The following PTGIS variants were observed in gnomAD, a reference collection of about 807,000 sequenced individuals.
PTGIS encodes prostaglandin I2 synthase.
Under a neutral mutation model 50.3 loss-of-function variants are expected in PTGIS, and 45 were observed. The observed-to-expected ratio is 0.90, with a 90% CI of 0.70 to 1.15. PTGIS has a LOEUF of 1.15. PTGIS is among the 50% of genes most tolerant of loss of function. PTGIS has a pLI of 0.00. For synonymous variants in PTGIS, 260 were observed against 267.7 expected, an observed-to-expected ratio of 0.97 and a Z score of 0.28; for missense variants, 668 against 661.3, an observed-to-expected ratio of 1.01 and a Z score of -0.11.
intron 1 of PTGIS, among the ~76,000 whole-genome samples, chr20:49,560,903 G>A (rs1354273579): frequency 6.6e-6 from 1 of 152,160 alleles, no homozygotes; most frequent in Admixed American, 6.5e-5. Flanking sequence ...CCACTGGAGG[G>A]TTTGCAGCAG....
At chr20:49,518,996 G>A (rs1981572010) in intron 6 of PTGIS, among the ~76,000 whole-genome samples, 1 of 152,210 alleles carries the variant, frequency 6.6e-6, no homozygotes, top group African/African-American at 2.4e-5. Flanking sequence ...ATATCGGGAA[G>A]GAAGAGAAGG....
At chr20:49,557,468 T>G (rs1243575159) in intron 1 of PTGIS, among the ~76,000 whole-genome samples, 1 of 151,726 alleles carries the variant, frequency 6.6e-6, no homozygotes, top group Admixed American at 6.6e-5. Flanking sequence ...AGCACATGTC[T>G]GTAGTCCCAG....
chr20:49,559,471 C>T (rs1181819228), intron 1 of PTGIS, among the ~76,000 whole-genome samples: 1 of 152,194 alleles, frequency 6.6e-6, no homozygotes, highest in African/African-American at 2.4e-5. Context: ...CAAGAACCCT[C>T]TCTTGGGGTC....
At chr20:49,545,342 T>C (rs921720816) in intron 3 of PTGIS, among the ~76,000 whole-genome samples, 3 of 151,354 alleles carry the variant, frequency 2.0e-5, no homozygotes, top group Non-Finnish European at 4.4e-5. Flanking sequence ...ATTGCTTGAG[T>C]CCAGGAGTTT....
At position 49,504,376 on chromosome 20, in the gene PTGIS, T is replaced by C. The variant is rs1056273597; in HGVS notation, c.*3544A>G. 4 of 152,042 alleles carry C rather than the reference T, an allele frequency of 2.6e-5. No individual in the cohort carries two copies. Among genetic ancestry groups the C allele is most frequent in the Admixed American group, 1.3e-4 (2 of 15,262 alleles). 9.4% of individuals were successfully genotyped at this position (152,042 alleles called of 1,614,324 possible). A position where few individuals can be genotyped will look rare whatever the true frequency, so the allele number is the denominator to read the frequency against. Reference sequence around the variant, plus strand: ...ACATGTTATCCACTATTGGCAGCAATTGGGGGGAAAAAAAGTTCATTTTAA... The same window carrying C: ...ACATGTTATCCACTATTGGCAGCAACTGGGGGGAAAAAAAGTTCATTTTAA... On this transcript the variant is annotated 3_prime_UTR_variant, in exon 10 of 10. Transcript: ENST00000244043.
intron 5 of PTGIS, among the ~76,000 whole-genome samples, chr20:49,537,315 T>G (rs1449377063): frequency 6.6e-6 from 1 of 152,174 alleles, no homozygotes; most frequent in Non-Finnish European, 1.5e-5. Context: ...GCCAGGACAC[T>G]CTACCAACAC....
chr20:49,565,702 T>G (rs944743376), intron 1 of PTGIS, among the ~76,000 whole-genome samples: 5 of 152,194 alleles, frequency 3.3e-5, no homozygotes, highest in Admixed American at 3.3e-4. Context: ...CCCAGAGTTT[T>G]AATCCAGACA....
At position 49,540,021 on chromosome 20, in the gene PTGIS, G is replaced by A. The variant is rs969339371; in HGVS notation, c.522-300C>T. Among the ~76,000 whole-genome samples the A allele has an allele frequency of 1.3e-5, 2 of 151,870 alleles. No individual in the cohort carries two copies. Among genetic ancestry groups the A allele is most frequent in the African/African-American group, 4.8e-5 (2 of 41,358 alleles). On this transcript the variant is annotated intron_variant, in intron 4 of 9. Transcript: ENST00000244043. This position sits in a 1 kb window ranked among gnomAD's most constrained non-coding sequence, Gnocchi z 4.8. Reference sequence around the variant, plus strand: ...AAGCTGGGTAGCAGGATGGGAGGGCGGGGGCTGTGGTGTCAGGTGCCAGGT... The same window carrying A: ...AAGCTGGGTAGCAGGATGGGAGGGCAGGGGCTGTGGTGTCAGGTGCCAGGT...
At chr20:49,533,747 A>C (rs1037813463) in intron 5 of PTGIS, among the ~76,000 whole-genome samples, 1 of 152,128 alleles carries the variant, frequency 6.6e-6, no homozygotes, top group African/African-American at 2.4e-5. Context: ...ACTTGAGGTC[A>C]GGAGTTCAAA....
At chr20:49,508,310 CCT>C (rs901367124) in intron 9 of PTGIS, among the ~76,000 whole-genome samples, 2 of 152,166 alleles carry the variant, frequency 1.3e-5, no homozygotes, top group Non-Finnish European at 2.9e-5. Flanking sequence ...CTGTGTCACT[CCT>C]GTGTCAAAGC....
chr20:49,551,131 C>G (rs574802554), intron 1 of PTGIS, among the ~76,000 whole-genome samples: 1 of 152,232 alleles, frequency 6.6e-6, no homozygotes, highest in Admixed American at 6.5e-5. Flanking sequence ...CGCTTGAACC[C>G]AGGAGGAGGA....
intron 6 of PTGIS, among the ~76,000 whole-genome samples, chr20:49,523,338 G>A (rs1023921107): frequency 6.6e-6 from 1 of 152,086 alleles, no homozygotes; most frequent in Non-Finnish European, 1.5e-5. Context: ...GGAAAAGAGA[G>A]CATAAGAGAG....
At chr20:49,556,845 AG>A (rs1309456883) in intron 1 of PTGIS, among the ~76,000 whole-genome samples, 1 of 152,120 alleles carries the variant, frequency 6.6e-6, no homozygotes, top group Admixed American at 6.6e-5. Flanking sequence ...AGTCTCCAAA[AG>A]AATGTTTTCA....
At chr20:49,533,551 A>G (rs534625553) in intron 5 of PTGIS, among the ~76,000 whole-genome samples, 1 of 152,276 alleles carries the variant, frequency 6.6e-6, no homozygotes, top group South Asian at 2.1e-4. Flanking sequence ...ATACAGAAAA[A>G]AAAGAAGAAA....
At chr20:49,511,252 T>G in intron 8 of PTGIS, 73 bp from the exon 9 acceptor site, 1 of 1,562,302 alleles carries the variant, frequency 6.4e-7, no homozygotes, top group Non-Finnish European at 8.8e-7. Flanking sequence ...TGTATGAGGA[T>G]GTTCATGACA....
chr20:49,562,655 C>T (rs754792633), intron 1 of PTGIS, among the ~76,000 whole-genome samples: 1 of 152,250 alleles, frequency 6.6e-6, no homozygotes, highest in Non-Finnish European at 1.5e-5. Flanking sequence ...CCTGCCCACA[C>T]AGCCGGTTTC....
Position 49,548,013 on chromosome 20 carries a change from C to T in PTGIS, c.205G>A (p.Val69Ile). The T allele has an allele frequency of 1.2e-6, 2 of 1,613,958 alleles. No homozygotes were observed. Among genetic ancestry groups the T allele is most frequent in the Non-Finnish European group, 1.7e-6 (2 of 1,179,934 alleles). The change falls in exon 3 of 10, where the codon GTT (valine) becomes ATT (isoleucine). Residue 69 changes from valine to isoleucine, a missense_variant. Transcript: ENST00000244043. The stretch of plus-strand genomic sequence containing the variant: ...AGAACGGTGACATACCTGCCCCCAA[C>T]CAGTATCTGTGGGAAGTTGCCAGGG... ...EKHGDIFTIL[V>I]GGRYVTVLLD...
chr20:49,547,807 G>A, intron 3 of PTGIS, 34 bp downstream of exon 3: 1 of 1,611,054 alleles, frequency 6.2e-7, no homozygotes, highest in Non-Finnish European at 8.5e-7. Flanking sequence ...CGCCCACCCT[G>A]GCCCTCCCAC....
intron 1 of PTGIS, among the ~76,000 whole-genome samples, chr20:49,555,100 G>A (rs1329647912): frequency 2.6e-5 from 4 of 151,928 alleles, no homozygotes; most frequent in East Asian, 3.9e-4. Flanking sequence ...GTGAAACCCC[G>A]TTTCTACTAA....
Sources: gnomAD v4.1 joint callset for allele counts (sites outside exome capture counted in the v4.1 genomes callset) on GRCh38, gnomAD v4.1.1 for gene constraint, Gnocchi (gnomAD v3.1) non-coding constraint, MANE v1.5 for transcripts, NCBI Gene and HGNC (gene_info 2026-07-23, HGNC 2026-07-21) for gene names.